Variants in DAB1 observed in about 807,000 individuals in gnomAD.
DAB1 encodes DAB adaptor protein 1.
A neutral mutation model predicts 64.6 loss-of-function variants in DAB1; 15 were observed. The ratio of observed to expected loss-of-function variants is 0.23; its 90% CI spans 0.16 to 0.36. The LOEUF is 0.36. Ranked by LOEUF, DAB1 falls within the 10% of genes least tolerant of loss-of-function variation. The probability of loss-of-function intolerance (pLI) is 1.00; values close to 1 mark genes in which losing one functional copy is unlikely to be tolerated. For synonymous variants in DAB1, 235 were observed against 251.9 expected (o/e 0.93, Z 0.64); for missense variants, 596 against 706.7 (o/e 0.84, Z 1.78).
intron 1 of DAB1, chr1:57,876,129 C>G (rs948244641): frequency 6.6e-6 from 1 of 152,160 alleles, no homozygotes; most frequent in Non-Finnish European, 1.5e-5. Context: ...TCACTGAGCA[C>G]TATTTAAACT....
chr1:58,333,717 T>A (rs1056430461), intron 4 of DAB1, among the ~76,000 whole-genome samples: 1 of 152,256 alleles, frequency 6.6e-6, no homozygotes, highest in Admixed American at 6.5e-5. Context: ...AAATCTGTTA[T>A]GAGTTGATCT....
intron 5 of DAB1, among the ~76,000 whole-genome samples, chr1:57,983,665 T>A (rs1570159867): frequency 6.6e-6 from 1 of 152,214 alleles, no homozygotes; most frequent in East Asian, 1.9e-4. Context: ...TGCAGCAGGA[T>A]CTGCCACTGG....
intron 2 of DAB1, among the ~76,000 whole-genome samples, chr1:58,510,910 C>T (rs925046287): frequency 6.6e-6 from 1 of 151,926 alleles, no homozygotes; most frequent in African/African-American, 2.4e-5. Flanking sequence ...TTAAACCAAA[C>T]TAAGGAGGTG....
chr1:58,002,165 ATC>A (rs1412195825), intron 5 of DAB1, among the ~76,000 whole-genome samples: 1 of 152,186 alleles, frequency 6.6e-6, no homozygotes, highest in East Asian at 1.9e-4. Flanking sequence ...GTTTGTGGTT[ATC>A]TGTTAGAGGA....
intron 1 of DAB1, among the ~76,000 whole-genome samples, chr1:57,338,445 T>A (rs1326877509): frequency 6.6e-6 from 1 of 152,204 alleles, no homozygotes; most frequent in African/African-American, 2.4e-5. Flanking sequence ...TAGCTGTGCA[T>A]ATATGTATTA....
rs538201840 is a variant in DAB1 at position 58,396,686 on chromosome 1, G to A, written n.258-53283C>T. On this transcript the variant is annotated intron_variant and non_coding_transcript_variant, in intron 3 of 20. Transcript: ENST00000485760. ...AAGCAAAGAGAGACAAAAAGGGTCA[G>A]AGACAGGGAAAGAGGGAGCAACAGA... Among the ~76,000 whole-genome samples, 13 of 152,238 alleles carry A rather than the reference G, an allele frequency of 8.5e-5. No homozygotes were observed. In the South Asian group the frequency reaches 2.7e-3, roughly 32 times the overall value.
chr1:57,308,293 T>C (rs1674371715), intron 1 of DAB1, among the ~76,000 whole-genome samples: 1 of 152,142 alleles, frequency 6.6e-6, no homozygotes, highest in African/African-American at 2.4e-5. Context: ...TGTGATTCTC[T>C]AGATATTACC....
At chr1:57,290,914 A>G in intron 2 of DAB1, 50 bp downstream of exon 2, 2 of 1,184,428 alleles carry the variant, frequency 1.7e-6, no homozygotes, top group Admixed American at 1.9e-5. Context: ...CTAAAAACTC[A>G]TTCCTGTGCA....
At chr1:58,298,130 G>C (rs17117277) in intron 4 of DAB1, among the ~76,000 whole-genome samples, 1 of 152,142 alleles carries the variant, frequency 6.6e-6, no homozygotes, top group South Asian at 2.1e-4. Context: ...TTGTATCTTT[G>C]CAATCTTTCT....
chr1:57,756,051 C>T (rs1648790371), intron 6 of DAB1, among the ~76,000 whole-genome samples: 1 of 152,150 alleles, frequency 6.6e-6, no homozygotes, highest in Non-Finnish European at 1.5e-5. Context: ...TGGCAACTAA[C>T]CTGTAAAATG....
intron 3 of DAB1, among the ~76,000 whole-genome samples, chr1:58,441,201 A>C (rs1460983495): frequency 6.6e-6 from 1 of 152,212 alleles, no homozygotes; most frequent in Non-Finnish European, 1.5e-5. Context: ...ATCAGAGGCA[A>C]GTACTGAAGG....
chr1:57,386,074 G>A (rs115947018), intron 1 of DAB1, among the ~76,000 whole-genome samples: 2,234 of 152,234 alleles, frequency 0.015, 35 homozygotes, highest in Middle Eastern at 0.037. Context: ...AGGATAACAT[G>A]GGAAACAGAA....
At chr1:57,005,220 C>T (rs746514549) in intron 14 of DAB1, among the ~76,000 whole-genome samples, 8 of 152,110 alleles carry the variant, frequency 5.3e-5, no homozygotes, top group Non-Finnish European at 7.4e-5. Flanking sequence ...TCTATTTCCC[C>T]GTCAATAATA....
At chr1:57,913,853 A>G in intron 5 of DAB1, among the ~76,000 whole-genome samples, 1 of 152,244 alleles carries the variant, frequency 6.6e-6, no homozygotes, top group East Asian at 1.9e-4. Context: ...AATGCTCATC[A>G]TCACTGGCCA....
At chr1:57,761,565 A>G (rs930090017) in intron 6 of DAB1, among the ~76,000 whole-genome samples, 2 of 152,230 alleles carry the variant, frequency 1.3e-5, no homozygotes, top group African/African-American at 2.4e-5. Flanking sequence ...CCAGAGGAAG[A>G]TGAGCAGAAG....
chr1:57,411,575 C>T (rs1051603093), intron 1 of DAB1, among the ~76,000 whole-genome samples: 9 of 152,320 alleles, frequency 5.9e-5, no homozygotes, highest in African/African-American at 2.2e-4. Flanking sequence ...GAGAACTGTA[C>T]CCTCCTTTGC....
chr1:57,365,711 T>C (rs1245503050), intron 1 of DAB1, among the ~76,000 whole-genome samples: 2 of 152,066 alleles, frequency 1.3e-5, no homozygotes, highest in African/African-American at 4.8e-5. Flanking sequence ...AGGCTTTTCA[T>C]AGACAGGCAA....
intron 7 of DAB1, among the ~76,000 whole-genome samples, chr1:57,557,183 A>G (rs1363267981): frequency 6.6e-6 from 1 of 152,176 alleles, no homozygotes; most frequent in Admixed American, 6.5e-5. Context: ...CAATCTGATC[A>G]ACTGCCAGCA....
At chr1:58,368,899 T>C (rs1218278418) in intron 3 of DAB1, among the ~76,000 whole-genome samples, 1 of 152,176 alleles carries the variant, frequency 6.6e-6, no homozygotes, top group Non-Finnish European at 1.5e-5. Context: ...TGGTGGCACA[T>C]GCCTGTGGTC....
Sources: allele counts gnomAD v4.1 joint callset (sites outside exome capture counted in the v4.1 genomes callset), GRCh38; gene constraint gnomAD v4.1.1; transcripts MANE v1.5; gene names NCBI Gene and HGNC (gene_info 2026-07-23, HGNC 2026-07-21).